Variants in IL18BP observed in about 807,000 individuals in gnomAD.
IL18BP encodes interleukin-18-binding protein.
Under a neutral mutation model 19.9 loss-of-function variants are expected in IL18BP, and 23 were observed. The observed-to-expected ratio is 1.15, with a 90% CI of 0.83 to 1.64. The LOEUF (loss-of-function observed/expected upper bound fraction) is 1.64, where lower values mean the gene tolerates loss of function less well. IL18BP is among the 40% of genes most tolerant of loss of function. IL18BP has a pLI of 0.00. For missense variants in IL18BP, 239 were observed against 240.7 expected (o/e 0.99, Z 0.05); for synonymous variants, 107 against 101.0 (o/e 1.06, Z -0.35).
At chr11:72,004,797 G>A (rs1202328108), downstream of IL18BP, 1 of 1,582,924 alleles carries the variant, frequency 6.3e-7, no homozygotes, top group African/African-American at 1.4e-5. Flanking sequence ...ATCTGTGATG[G>A]TGCCCAGGCT....
chr11:72,001,892 C>A lies in IL18BP; in HGVS notation c.*31C>A, dbSNP rs753486713. ...AGCACAGGGCCAGCAGCAGCACAAC[C>A]TTGACCAGAGCTTGGGTCCTACCTG... On this transcript the variant is annotated 3_prime_UTR_variant, in exon 6 of 6. Coordinates refer to ENST00000393703, the MANE Select transcript of IL18BP (RefSeq NM_001039660.2). 6 of 1,613,884 alleles carry A rather than the reference C, an allele frequency of 3.7e-6. No homozygotes were observed. In the South Asian group the frequency reaches 5.5e-5, roughly 15 times the overall value.
At chr11:72,004,292 C>T (rs781306551), downstream of IL18BP, 71 of 1,613,358 alleles carry the variant, frequency 4.4e-5, 1 homozygote, top group South Asian at 5.8e-4. Context: ...CCCTTCATGT[C>T]GGTCTCGGGG....
intron 1 of IL18BP, 160 bp downstream of exon 1, chr11:71,999,179 G>A (rs766424512): frequency 2.5e-5 from 13 of 515,844 alleles, no homozygotes; most frequent in Non-Finnish European, 4.6e-5. Context: ...GGATGTGGAC[G>A]GACTGGTATG....
chr11:72,001,835 C>T lies in IL18BP; in HGVS notation c.559C>T (p.His187Tyr). Residue 187 changes from histidine to tyrosine, a missense_variant, in exon 6 of 6, where the codon CAC (histidine) becomes TAC (tyrosine). Physicochemically the swap from His to Tyr is moderately conservative, Grantham distance 83. Transcript: ENST00000393703. ...CACCCAAGAAGCCCTGCCCTCCAGC[C>T]ACAGCAGTCCACAGCAGCAGGGTTA... ...PPTQEALPSS[H>Y]SSPQQQG 1 of 1,614,178 alleles carries T rather than the reference C, an allele frequency of 6.2e-7. No homozygotes were observed. The highest frequency in any genetic ancestry group is 8.5e-7 in the Non-Finnish European group (1 of 1,180,030).
downstream of IL18BP, chr11:72,003,356 C>T (rs1026361331): frequency 5.9e-6 from 4 of 675,708 alleles, no homozygotes; most frequent in African/African-American, 3.6e-5. Context: ...GAGAAGGCGC[C>T]AGTGAAGGAC....
At chr11:72,004,066 G>C (rs1349334728), downstream of IL18BP, 6 of 1,613,316 alleles carry the variant, frequency 3.7e-6, no homozygotes, top group Non-Finnish European at 5.1e-6. Flanking sequence ...GGTGTGTTGA[G>C]GATGCTGAAG....
At chr11:72,004,549 G>A, downstream of IL18BP, 6 of 1,358,056 alleles carry the variant, frequency 4.4e-6, no homozygotes, top group South Asian at 5.2e-5. Flanking sequence ...GGAAGTGAGG[G>A]AAGGAGAGAG....
chr11:72,007,189 C>T (rs1955784018), downstream of IL18BP: 1 of 1,607,920 alleles, frequency 6.2e-7, no homozygotes, highest in Non-Finnish European at 8.5e-7. Flanking sequence ...GCAGCCTGAC[C>T]TTGGTCATGG....
At chr11:71,999,275 G>A (rs1955086950) in intron 1 of IL18BP, 2 of 417,200 alleles carry the variant, frequency 4.8e-6, no homozygotes, top group Non-Finnish European at 9.6e-6. Flanking sequence ...GGTGAAGGAG[G>A]AAGCAGATGC....
rs1955225901 is a variant in IL18BP, at chr11:72,001,380, G to A, written c.360-25G>A. On this transcript the variant is annotated intron_variant, in intron 4 of 5. Transcript: ENST00000393703. The stretch of plus-strand genomic sequence containing the variant: ...AGGAGGCCTTCTGCGGCCTTCTCAT[G>A]ACCTTTCCTTCCCTTCCGCTCCAGC... The A allele has an allele frequency of 3.7e-6, 6 of 1,614,066 alleles. No homozygotes were observed. In the South Asian group the frequency reaches 5.5e-5, roughly 15 times the overall value.
chr11:72,002,542 TG>T lies in IL18BP; in HGVS notation c.*682del, dbSNP rs1326727308. On this transcript the variant is annotated 3_prime_UTR_variant, in exon 6 of 6. Coordinates refer to ENST00000393703, the MANE Select transcript of IL18BP (RefSeq NM_001039660.2). ...TATTCAATGGAGGCATCCTGACATC[TG>T]TTCATTTAGGCTTCAGTTCCACTCC... 1 of 153,542 alleles carries T rather than the reference TG, an allele frequency of 6.5e-6. No homozygotes were observed. Among genetic ancestry groups the T allele is most frequent in the East Asian group, 1.9e-4 (1 of 5,388 alleles). 9.5% of individuals were successfully genotyped at this position (153,542 alleles called of 1,614,324 possible).
At chr11:72,006,272 C>T, downstream of IL18BP, 3 of 1,611,650 alleles carry the variant, frequency 1.9e-6, no homozygotes, top group African/African-American at 1.3e-5. Context: ...TTCTGGAAGA[C>T]AGAGTGAATC....
chr11:71,999,039 A>G lies in IL18BP; in HGVS notation c.-59+20A>G, dbSNP rs1955072026. ...AGCCAGGTAGGAGTCTGGGACTACT[A>G]GTGAACCTAGACCTGTGGCTCTGGC... On this transcript the variant is annotated intron_variant, in intron 1 of 5. Transcript: ENST00000393703. 4.9e-6 allele frequency: 2 copies of G among 405,558 alleles called. No homozygotes were observed. Among genetic ancestry groups the G allele is most frequent in the Non-Finnish European group, 4.9e-6 (1 of 204,788 alleles). 25.1% of individuals were successfully genotyped at this position (405,558 alleles called of 1,614,324 possible). A position where few individuals can be genotyped will look rare whatever the true frequency, so the allele number is the denominator to read the frequency against.
At chr11:71,999,629 T>G in intron 1 of IL18BP, 1 of 284,746 alleles carries the variant, frequency 3.5e-6, no homozygotes, top group South Asian at 4.4e-5. Context: ...GCAGCTCTGG[T>G]GCTGAAGAGA....
downstream of IL18BP, chr11:72,007,368 G>A (rs200233406): frequency 1.3e-4 from 213 of 1,613,774 alleles, no homozygotes; most frequent in Middle Eastern, 5.0e-4. Flanking sequence ...GGGGGCAGGC[G>A]CTGGGAGATA....
chr11:72,001,352 G>T, intron 4 of IL18BP, 28 bp downstream of exon 4: 1 of 1,614,232 alleles, frequency 6.2e-7, no homozygotes, highest in South Asian at 1.1e-5. Context: ...CAGGTGGGTG[G>T]GAAGGAGGCC....
Position 72,001,096 on chromosome 11 carries a change from T to G in IL18BP, c.236-105T>G, listed in dbSNP as rs577257503. 7.1e-4 allele frequency: 994 copies of G among 1,406,620 alleles called. 2 individuals carry two copies. The highest frequency in any genetic ancestry group is 9.6e-4 in the Non-Finnish European group (971 of 1,014,116). 87.1% of individuals were successfully genotyped at this position (1,406,620 alleles called of 1,614,324 possible). ...TGGTGTGCAGAGCAGTTCTCTAGGT[T>G]CCAGATGCATGGGGACTGGGGGGAG... On this transcript the variant is annotated intron_variant, in intron 3 of 5. Coordinates refer to ENST00000393703, the MANE Select transcript of IL18BP (RefSeq NM_001039660.2).
At chr11:72,005,962 C>T, downstream of IL18BP, 1 of 1,269,802 alleles carries the variant, frequency 7.9e-7, no homozygotes, top group Non-Finnish European at 1.1e-6. Flanking sequence ...AAAAAGCTTT[C>T]CTCTTTTCCC....
downstream of IL18BP, chr11:72,005,548 C>A: frequency 1.7e-6 from 1 of 584,220 alleles, no homozygotes; most frequent in Non-Finnish European, 2.9e-6. Context: ...ATCCTAGGGG[C>A]TTGCTCACCA....
Sources: allele counts gnomAD v4.1 joint callset, GRCh38; gene constraint gnomAD v4.1.1; transcripts MANE v1.5; gene names NCBI Gene and HGNC (gene_info 2026-07-23, HGNC 2026-07-21).